PRKCH: variants seen among roughly 807,000 people sequenced by gnomAD.
The protein encoded by PRKCH is protein kinase C eta.
In PRKCH, 28 loss-of-function variants were observed where a neutral mutation model predicts 82.5. That is an observed-to-expected ratio of 0.34 (90% CI 0.25 to 0.47). The LOEUF is 0.47. Among genes scored for constraint, PRKCH ranks in the 20% least tolerant of loss-of-function variants. The pLI is 1.00. For synonymous variants in PRKCH, 322 were observed against 327.4 expected (o/e 0.98, Z 0.18); for missense variants, 705 against 881.8 (o/e 0.80, Z 2.54).
intron 10 of PRKCH, among the ~76,000 whole-genome samples, chr14:61,495,292 C>A (rs1483203337): frequency 2.0e-5 from 3 of 152,196 alleles, no homozygotes; most frequent in Non-Finnish European, 4.4e-5. Context: ...TGGCATACCT[C>A]CTCAGGGTTT....
intron 1 of PRKCH, among the ~76,000 whole-genome samples, chr14:61,266,262 AC>A (rs1226412365): frequency 6.6e-6 from 1 of 151,272 alleles, no homozygotes; most frequent in East Asian, 1.9e-4. Context: ...TACTAAAAAT[AC>A]AAAAATTAGC....
At position 61,550,589 on chromosome 14, in the gene PRKCH, AT is replaced by A. The variant is rs1555398554; in HGVS notation, c.*759del. 1 of 152,632 alleles carries A rather than the reference AT, an allele frequency of 6.6e-6. No individual in the cohort carries two copies. Among genetic ancestry groups the A allele is most frequent in the Non-Finnish European group, 1.5e-5 (1 of 68,032 alleles). 9.5% of individuals were successfully genotyped at this position (152,632 alleles called of 1,614,324 possible). ...CTGAATGGTGTTTGCATTCTGTGAA[AT>A]GCCTCTCCACGTTGCATATGTCACA... On this transcript the variant is annotated 3_prime_UTR_variant, in exon 14 of 14. Coordinates refer to ENST00000332981, the MANE Select transcript of PRKCH (RefSeq NM_006255.5).
chr14:61,305,973 G>A (rs865850103), intron 1 of PRKCH: 2 of 152,180 alleles, frequency 1.3e-5, no homozygotes, highest in Admixed American at 6.5e-5. Flanking sequence ...AAATGGTGTT[G>A]AGGTTTATTC....
intron 1 of PRKCH, among the ~76,000 whole-genome samples, chr14:61,386,002 G>T (rs1293724827): frequency 6.6e-6 from 1 of 152,234 alleles, no homozygotes; most frequent in Non-Finnish European, 1.5e-5. Context: ...TTTCCAGCCA[G>T]AAAGATCACA....
intron 10 of PRKCH, among the ~76,000 whole-genome samples, chr14:61,498,201 A>G (rs1886750055): frequency 6.6e-6 from 1 of 152,022 alleles, no homozygotes; most frequent in Non-Finnish European, 1.5e-5. Context: ...TTTAGTAGAG[A>G]CGGGGTTTCA....
At chr14:61,499,880 G>T in intron 10 of PRKCH, among the ~76,000 whole-genome samples, 1 of 69,508 alleles carries the variant, frequency 1.4e-5, no homozygotes, top group East Asian at 4.6e-4. Context: ...ACCTATAAGG[G>T]GTAGACTTAA....
At chr14:61,363,015 A>G (rs1238559922) in intron 1 of PRKCH, among the ~76,000 whole-genome samples, 1 of 152,238 alleles carries the variant, frequency 6.6e-6, no homozygotes, top group African/African-American at 2.4e-5. Context: ...AATGGGTAGG[A>G]CTTAGATGAT....
At position 61,322,422 on chromosome 14, in the gene PRKCH, G is replaced by A; in HGVS notation, c.321G>A (p.Glu107=). 1 of 1,600,794 alleles carries A rather than the reference G, an allele frequency of 6.2e-7. No individual in the cohort carries two copies. The highest frequency in any genetic ancestry group is 8.6e-7 in the Non-Finnish European group (1 of 1,169,358). Residue 107 remains glutamate, a synonymous_variant, in exon 1 of 14, where the codon GAG becomes GAA. Transcript: ENST00000332981. The stretch of plus-strand genomic sequence containing the variant: ...CCAACTGCACCCTGCAGTTCCAGGA[G>A]CTGCTGCGCACGACCGGCGCCTCGG... The part of the protein sequence containing the change: ...FVANCTLQFQ[E]LLRTTGASDT...
At chr14:61,483,710 GA>G (rs1886084780) in intron 9 of PRKCH, among the ~76,000 whole-genome samples, 1 of 152,174 alleles carries the variant, frequency 6.6e-6, no homozygotes, top group Non-Finnish European at 1.5e-5. Flanking sequence ...TGAATGTGTG[GA>G]AACACCCTGT....
At chr14:61,346,152 A>G (rs1254564963) in intron 1 of PRKCH, among the ~76,000 whole-genome samples, 1 of 152,144 alleles carries the variant, frequency 6.6e-6, no homozygotes, top group East Asian at 1.9e-4. Context: ...CCAAATGGAC[A>G]TGCCTCCCTT....
intron 1 of PRKCH, among the ~76,000 whole-genome samples, chr14:61,350,537 A>C (rs2046058643): frequency 6.6e-6 from 1 of 152,168 alleles, no homozygotes; most frequent in South Asian, 2.1e-4. Flanking sequence ...CATTTCTGAA[A>C]CTGAGGCTAG....
Position 61,453,430 on chromosome 14 carries a change from G to A in PRKCH, c.960+77G>A. 2.7e-6 allele frequency: 4 copies of A among 1,497,170 alleles called. No homozygotes were observed. In the South Asian group the frequency reaches 5.2e-5, roughly 20 times the overall value. The allele number at this position is 1,497,170 out of a possible 1,614,324, so 92.7% of individuals were successfully genotyped here. On this transcript the variant is annotated intron_variant, in intron 7 of 13. Transcript: ENST00000332981. ...TGATGAGCCCAAATGAGAGCATGTG[G>A]CCTCATCAAAGTTCCTAATCTTAGC...
intron 1 of PRKCH, among the ~76,000 whole-genome samples, chr14:61,286,691 G>A (rs560811045): frequency 6.6e-6 from 1 of 152,208 alleles, no homozygotes; most frequent in East Asian, 1.9e-4. Context: ...CAGGAGAATC[G>A]CTTGAACCTG....
intron 1 of PRKCH, among the ~76,000 whole-genome samples, chr14:61,224,323 A>G (rs2140054639): frequency 6.6e-6 from 1 of 152,300 alleles, no homozygotes; most frequent in African/African-American, 2.4e-5. Flanking sequence ...TTATATGGTC[A>G]TTGTGCATTT....
At chr14:61,385,819 TTG>T (rs2046579257) in intron 1 of PRKCH, among the ~76,000 whole-genome samples, 2 of 152,144 alleles carry the variant, frequency 1.3e-5, no homozygotes, top group Non-Finnish European at 2.9e-5. Flanking sequence ...AGGGTCTCCT[TTG>T]GGGACAGGGC....
chr14:61,223,603 C>G (rs2044672493), intron 1 of PRKCH, among the ~76,000 whole-genome samples: 1 of 152,194 alleles, frequency 6.6e-6, no homozygotes, highest in Non-Finnish European at 1.5e-5. Context: ...CATTAGACAG[C>G]ATGATATCTG....
intron 1 of PRKCH, among the ~76,000 whole-genome samples, chr14:61,369,885 C>T (rs2046343110): frequency 6.6e-6 from 1 of 152,002 alleles, no homozygotes. Context: ...ATAGTATCTA[C>T]AAGCAGTAAT....
At chr14:61,395,316 G>C (rs1371572793) in intron 2 of PRKCH, among the ~76,000 whole-genome samples, 2 of 121,140 alleles carry the variant, frequency 1.7e-5, no homozygotes, top group Non-Finnish European at 3.4e-5. Context: ...GCCTGCCACA[G>C]CTGTGGCAGC....
chr14:61,525,330 A>G (rs2042951781), intron 10 of PRKCH: 2 of 152,234 alleles, frequency 1.3e-5, no homozygotes, highest in Non-Finnish European at 2.9e-5. Flanking sequence ...GTCTTATTAA[A>G]TAGCACTTGG....
Sources: gnomAD v4.1 joint callset for allele counts (sites outside exome capture counted in the v4.1 genomes callset) on GRCh38, gnomAD v4.1.1 for gene constraint, MANE v1.5 for transcripts, NCBI Gene and HGNC (gene_info 2026-07-23, HGNC 2026-07-21) for gene names.